Variants in SERINC2 observed in about 807,000 individuals in gnomAD.
SERINC2 encodes the protein tumor differentially expressed protein 2.
Under a neutral mutation model 54.2 loss-of-function variants are expected in SERINC2, and 56 were observed. That is an observed-to-expected ratio of 1.03 (90% CI 0.83 to 1.29). SERINC2 has a LOEUF of 1.29. Among genes scored for constraint, SERINC2 ranks in the 50% most tolerant of loss-of-function variants. SERINC2 has a pLI of 0.00. For missense variants in SERINC2, 614 were observed against 607.4 expected (o/e 1.01, Z -0.12); for synonymous variants, 272 against 253.1 (o/e 1.07, Z -0.71).
Position 31,424,896 on chromosome 1 carries a change from C to T in SERINC2, c.392+23C>T, listed in dbSNP as rs567000697. 9.6e-5 allele frequency: 153 copies of T among 1,589,930 alleles called. No homozygotes were observed. In the South Asian group the frequency reaches 1.6e-3, roughly 16 times the overall value. ...TGGGTGAGAGAGGGGTCCCTGCCTG[C>T]ACCCTGGGACCTTCCCCCAGTGCCT... On this transcript the variant is annotated intron_variant, in intron 3 of 9. Coordinates refer to ENST00000373709, the MANE Select transcript of SERINC2 (RefSeq NM_178865.5).
chr1:31,419,995 C>T (rs548733900), intron 1 of SERINC2, among the ~76,000 whole-genome samples: 9 of 144,076 alleles, frequency 6.2e-5, no homozygotes, highest in African/African-American at 1.3e-4. Flanking sequence ...GGTGACAGAA[C>T]GAGATCCTGT....
Position 31,426,649 on chromosome 1 carries a change from C to T in SERINC2, c.611-5C>T, listed in dbSNP as rs201043698. 2.5e-6 allele frequency: 4 copies of T among 1,604,410 alleles called. No homozygotes were observed. The highest frequency in any genetic ancestry group is 3.4e-6 in the Non-Finnish European group (4 of 1,172,638). ...GCCTACCCTCTCACTACCCCTCTGG[C>T]CCAGGCCTCTTCTTCTTCACTCTCC... On this transcript the variant is annotated splice_region_variant and splice_polypyrimidine_tract_variant and intron_variant, in intron 5 of 9. Coordinates refer to ENST00000373709, the MANE Select transcript of SERINC2 (RefSeq NM_178865.5).
chr1:31,415,020 G>A (rs782064766), intron 1 of SERINC2, among the ~76,000 whole-genome samples: 1 of 152,226 alleles, frequency 6.6e-6, no homozygotes, highest in Non-Finnish European at 1.5e-5. Context: ...CCAAGTGCTG[G>A]TCTCTGAGTT....
At position 31,429,494 on chromosome 1, in the gene SERINC2, C is replaced by T; in HGVS notation, c.969C>T (p.Ser323=). 2 of 1,613,488 alleles carry T rather than the reference C, an allele frequency of 1.2e-6. No homozygotes were observed. The highest frequency in any genetic ancestry group is 2.2e-5 in the East Asian group (1 of 44,874). Residue 323 remains serine, a synonymous_variant, in exon 8 of 10, where the codon AGC becomes AGT. Transcript: ENST00000373709. Reference sequence around the variant, plus strand: ...AGACCCAGTGGTGGGATGCCCCGAGCATTGTGGGCCTCATCATCTTCCTCC... The same window carrying T: ...AGACCCAGTGGTGGGATGCCCCGAGTATTGTGGGCCTCATCATCTTCCTCC... ...GYETQWWDAP[S]IVGLIIFLLC... is the part of the protein sequence containing the mutation.
In SERINC2 at chr1:31,426,838, C is replaced by T. The variant is rs543425651; in HGVS notation, c.780+15C>T. The T allele has an allele frequency of 1.8e-5, 28 of 1,590,652 alleles. No homozygotes were observed. Among genetic ancestry groups the T allele is most frequent in the East Asian group, 2.3e-5 (1 of 44,030 alleles). ...CCAAGGTCCAGGTGAGCCTGCCTGA[C>T]CCCCCCTGGCCTGAAGCCCGGCCCC... On this transcript the variant is annotated intron_variant, in intron 6 of 9. Transcript: ENST00000373709.
rs1397909131 is a variant in SERINC2 at position 31,414,693 on chromosome 1, G to A, written c.39+1389G>A. 4.1e-6 allele frequency: 4 copies of A among 985,386 alleles called. No individual in the cohort carries two copies. In the East Asian group the frequency reaches 4.5e-4, roughly 112 times the overall value. 61.0% of individuals were successfully genotyped at this position (985,386 alleles called of 1,614,324 possible). A position where few individuals can be genotyped will look rare whatever the true frequency, so the allele number is the denominator to read the frequency against. ...CCAGCCCAAAGAATTCAAGGTTTGG[G>A]CCAGGTCTCTGCCAACAAGGGTTTG... is the stretch of plus-strand genomic sequence containing the variant. On this transcript the variant is annotated intron_variant, in intron 1 of 9. Transcript: ENST00000373709.
chr1:31,414,002 G>A, intron 1 of SERINC2: 1 of 1,527,938 alleles, frequency 6.5e-7, no homozygotes. Context: ...GGGCCCCAGC[G>A]CGGAGACTGG....
intron 6 of SERINC2, among the ~76,000 whole-genome samples, chr1:31,428,031 A>G (rs35961897): frequency 0.065 from 9,180 of 141,134 alleles, 450 homozygotes; most frequent in East Asian, 0.24. Context: ...CCAGCCTAAA[A>G]TTTTTTTTGT....
chr1:31,413,274 C>T lies in SERINC2; in HGVS notation c.9C>T (p.Ala3=). 8.0e-7 allele frequency: 1 copy of T among 1,254,488 alleles called. No homozygotes were observed. The highest frequency in any genetic ancestry group is 1.0e-6 in the Non-Finnish European group (1 of 1,000,892). The allele number at this position is 1,254,488 out of a possible 1,614,324, so 77.7% of individuals were successfully genotyped here. MG[A]CLGACSLLSC... ...AGCCGGGAGCCGCCGCCATGGGGGC[C>T]TGCCTGGGAGCCTGCTCCCTGCTCA... is the stretch of plus-strand genomic sequence containing the variant. The change falls in exon 1 of 10, where the codon GCC becomes GCT. Residue 3 remains alanine (A), a synonymous_variant. Transcript: ENST00000373709. This position sits in a 1 kb window ranked among gnomAD's most constrained non-coding sequence, Gnocchi z 5.0.
At position 31,424,407 on chromosome 1, in the gene SERINC2, A is replaced by G. The variant is rs149638252; in HGVS notation, c.202-276A>G. 2.6e-5 allele frequency among the ~76,000 whole-genome samples: 4 copies of G among 152,308 alleles called. No individual in the cohort carries two copies. The East Asian group carries it at 7.7e-4, about 29-fold the overall frequency. ...AGAACACTTTGGGAACCACTGCTTT[A>G]GACAGCGCAATAGTTTCTGAGGCTG... On this transcript the variant is annotated intron_variant, in intron 2 of 9. Transcript: ENST00000373709.
At chr1:31,418,960 G>A (rs1401053284) in intron 1 of SERINC2, among the ~76,000 whole-genome samples, 1 of 152,204 alleles carries the variant, frequency 6.6e-6, no homozygotes, top group Non-Finnish European at 1.5e-5. Flanking sequence ...GAAAGAGAAT[G>A]GATTGGTTGA....
Position 31,429,038 on chromosome 1 carries a change from G to T in SERINC2, c.841G>T (p.Val281Phe), listed in dbSNP as rs782315764. 2 of 1,613,904 alleles carry T rather than the reference G, an allele frequency of 1.2e-6. No homozygotes were observed. Among genetic ancestry groups the T allele is most frequent in the Non-Finnish European group, 1.7e-6 (2 of 1,179,956 alleles). Residue 281 changes from valine (V) to phenylalanine (F), a missense_variant, in exon 7 of 10, where the codon GTC becomes TTC. Physicochemically the swap from Val to Phe is conservative, Grantham distance 50. Transcript: ENST00000373709. ...ASVITLYTMF[V>F]TWSALSSIPE... ...GGTCATCACCCTCTACACCATGTTTGTCACCTGGTCAGCCCTATCCAGTAT... is the reference window on the plus strand; with the variant it reads ...GGTCATCACCCTCTACACCATGTTTTTCACCTGGTCAGCCCTATCCAGTAT...
At chr1:31,426,854 G>A (rs782431445) in intron 6 of SERINC2, 31 bp downstream of exon 6, 1 of 1,603,242 alleles carries the variant, frequency 6.2e-7, no homozygotes, top group Non-Finnish European at 8.5e-7. Context: ...CTGGCCTGAA[G>A]CCCGGCCCCT....
At chr1:31,419,149 T>C (rs1039030114) in intron 1 of SERINC2, among the ~76,000 whole-genome samples, 1 of 152,176 alleles carries the variant, frequency 6.6e-6, no homozygotes, top group African/African-American at 2.4e-5. Flanking sequence ...AATCGTAGTG[T>C]GGGAACAGCT....
chr1:31,425,432 A>C (rs4949403), intron 4 of SERINC2, 23 bp downstream of exon 4: 806,154 of 1,543,004 alleles, frequency 0.52, 220,301 homozygotes, highest in Non-Finnish European at 0.57. Flanking sequence ...GGCAGGAGGC[A>C]TGGGGGGCTG....
At chr1:31,431,767 G>GAT (rs1557499611) in intron 8 of SERINC2, among the ~76,000 whole-genome samples, 3 of 150,284 alleles carry the variant, frequency 2.0e-5, no homozygotes, top group African/African-American at 7.5e-5. Context: ...GGAGAGGGTG[G>GAT]AGAGGGTGAA....
At chr1:31,425,262 C>A in intron 3 of SERINC2, 68 bp from the exon 4 acceptor site, 1 of 1,191,036 alleles carries the variant, frequency 8.4e-7, no homozygotes, top group South Asian at 1.2e-5. Flanking sequence ...TGGGGCCAGG[C>A]CCAGTCTGGC....
In SERINC2 at chr1:31,425,210, C is replaced by A. The variant is rs1641005914; in HGVS notation, c.393-120C>A. 12 of 808,640 alleles carry A rather than the reference C, an allele frequency of 1.5e-5. 1 individual carries two copies. The South Asian group carries it at 1.8e-4, about 12-fold the overall frequency. 50.1% of individuals were successfully genotyped at this position (808,640 alleles called of 1,614,324 possible). A position where few individuals can be genotyped will look rare whatever the true frequency, so the allele number is the denominator to read the frequency against. On this transcript the variant is annotated intron_variant, in intron 3 of 9. Transcript: ENST00000373709. ...GCCTATCAGACCACCAGAAAGCCCACCCTCACCCCTCTCAGCACCTGCTGT... is the reference window on the plus strand; with the variant it reads ...GCCTATCAGACCACCAGAAAGCCCAACCTCACCCCTCTCAGCACCTGCTGT...
rs1641049308 is a variant in SERINC2 at position 31,426,642 on chromosome 1, C to T, written c.611-12C>T. On this transcript the variant is annotated splice_polypyrimidine_tract_variant and intron_variant, in intron 5 of 9. Coordinates refer to ENST00000373709, the MANE Select transcript of SERINC2 (RefSeq NM_178865.5). ...ACCCACTGCCTACCCTCTCACTACC[C>T]CTCTGGCCCAGGCCTCTTCTTCTTC... 2 of 1,597,824 alleles carry T rather than the reference C, an allele frequency of 1.3e-6. No homozygotes were observed. Among genetic ancestry groups the T allele is most frequent in the Non-Finnish European group, 1.7e-6 (2 of 1,167,918 alleles).
Sources: allele counts gnomAD v4.1 joint callset (sites outside exome capture counted in the v4.1 genomes callset), GRCh38; gene constraint gnomAD v4.1.1; non-coding constraint Gnocchi (gnomAD v3.1); transcripts MANE v1.5; gene names NCBI Gene and HGNC (gene_info 2026-07-23, HGNC 2026-07-21).